CNTLN: variants seen among roughly 807,000 people sequenced by gnomAD.
CNTLN encodes centlein.
CNTLN carries 212 observed loss-of-function variants against 180.0 expected under a neutral mutation model. The ratio of observed to expected loss-of-function variants is 1.18; its 90% CI spans 1.05 to 1.32. CNTLN has a LOEUF of 1.32. CNTLN is among the 40% of genes most tolerant of loss of function. The probability of loss-of-function intolerance (pLI) is 0.00; values close to 1 mark genes in which losing one functional copy is unlikely to be tolerated. For missense variants in CNTLN, 2,095 were observed against 1,610.9 expected (o/e 1.30, Z -5.14); for synonymous variants, 722 against 563.1 (o/e 1.28, Z -3.99).
intron 6 of CNTLN, among the ~76,000 whole-genome samples, chr9:17,288,059 GTGTT>G (rs904835307): frequency 9.5e-5 from 13 of 137,452 alleles, no homozygotes; most frequent in Admixed American, 6.5e-4. Context: ...GCTTTTGAAT[GTGTT>G]TGGTCTTGCT....
intron 5 of CNTLN, among the ~76,000 whole-genome samples, chr9:17,271,929 A>G (rs1827974964): frequency 6.6e-6 from 1 of 152,030 alleles, no homozygotes; most frequent in Non-Finnish European, 1.5e-5. Context: ...TTTGCTTCAT[A>G]ATATTTGTCT....
At chr9:17,382,252 A>G (rs571673922) in intron 13 of CNTLN, among the ~76,000 whole-genome samples, 1 of 152,324 alleles carries the variant, frequency 6.6e-6, no homozygotes, top group Admixed American at 6.5e-5. Context: ...AAAAGCATAG[A>G]CTTTCATAAT....
At chr9:17,393,479 T>C (rs1013648635) in intron 14 of CNTLN, among the ~76,000 whole-genome samples, 4 of 152,212 alleles carry the variant, frequency 2.6e-5, no homozygotes, top group African/African-American at 9.6e-5. Flanking sequence ...GAGTAATTTT[T>C]CTTTCTCATA....
chr9:17,364,003 A>G (rs1330318518), intron 12 of CNTLN, among the ~76,000 whole-genome samples: 3 of 152,126 alleles, frequency 2.0e-5, no homozygotes, highest in Non-Finnish European at 4.4e-5. Flanking sequence ...TTTAGTTGTT[A>G]GAAGTGTTTT....
intron 15 of CNTLN, among the ~76,000 whole-genome samples, chr9:17,398,503 A>G (rs1308731067): frequency 6.6e-6 from 1 of 152,180 alleles, no homozygotes; most frequent in African/African-American, 2.4e-5. Context: ...CATAAGTTGC[A>G]TATGCAATTC....
At chr9:17,500,839 G>C (rs977216157) in intron 25 of CNTLN, among the ~76,000 whole-genome samples, 26 of 152,098 alleles carry the variant, frequency 1.7e-4, no homozygotes, top group African/African-American at 5.8e-4. Flanking sequence ...TCATTTTTTT[G>C]TGCATTTCTT....
At chr9:17,423,179 A>G (rs568097027) in intron 18 of CNTLN, among the ~76,000 whole-genome samples, 15 of 152,308 alleles carry the variant, frequency 9.8e-5, no homozygotes, top group African/African-American at 3.4e-4. Flanking sequence ...TGAAGCTAGC[A>G]ACATAGTGGT....
intron 6 of CNTLN, among the ~76,000 whole-genome samples, chr9:17,285,302 A>G (rs1017533896): frequency 3.4e-5 from 5 of 149,214 alleles, no homozygotes; most frequent in South Asian, 2.2e-4. Context: ...ATGATTTCCA[A>G]TTTCATCCAT....
intron 13 of CNTLN, 54 bp downstream of exon 13, chr9:17,366,771 CTTGATG>C: frequency 1.0e-6 from 1 of 994,496 alleles, no homozygotes; most frequent in Non-Finnish European, 1.5e-6. Context: ...TTGTGTAATT[CTTGATG>C]TTTTAGTTTC....
intron 5 of CNTLN, among the ~76,000 whole-genome samples, chr9:17,250,618 C>T (rs10962946): frequency 2.6e-5 from 4 of 151,984 alleles, no homozygotes; most frequent in Admixed American, 1.3e-4. Context: ...AAACTGTTCT[C>T]CTCTACAGCT....
intron 2 of CNTLN, among the ~76,000 whole-genome samples, chr9:17,160,168 T>A (rs1305102828): frequency 6.6e-6 from 1 of 152,208 alleles, no homozygotes; most frequent in Non-Finnish European, 1.5e-5. Flanking sequence ...TTAATTTTTT[T>A]ATCTGAAATG....
chr9:17,307,972 CCACACACACA>C (rs3837233), intron 7 of CNTLN, among the ~76,000 whole-genome samples: 4,683 of 137,884 alleles, frequency 0.034, 180 homozygotes, highest in East Asian at 0.2. Context: ...GCCTTTAAAA[CCACACACACA>C]CACACACACA....
intron 16 of CNTLN, among the ~76,000 whole-genome samples, chr9:17,410,431 A>G (rs1012126469): frequency 6.6e-6 from 1 of 152,090 alleles, no homozygotes; most frequent in African/African-American, 2.4e-5. Flanking sequence ...TATATATGCT[A>G]TATATGAGCC....
intron 12 of CNTLN, among the ~76,000 whole-genome samples, chr9:17,346,484 G>A (rs1392297333): frequency 6.6e-6 from 1 of 152,090 alleles, no homozygotes; most frequent in Admixed American, 6.5e-5. Context: ...ACTACTGAAT[G>A]GTATTTTCAC....
chr9:17,340,947 A>C lies in CNTLN; in HGVS notation c.1765A>C (p.Met589Leu). ...QLKQWEEGSG[M>L]TEIRKIKRAD... ...AAAACAGTGGGAAGAAGGCAGTGGC[A>C]TGTGAGTTACATAGCTCATAAAGGC... Residue 589 changes from methionine to leucine, a missense_variant and splice_region_variant, in exon 11 of 26, where the codon ATG (methionine) becomes CTG (leucine). Transcript: ENST00000380647. 2.5e-6 allele frequency: 4 copies of C among 1,608,388 alleles called. No individual in the cohort carries two copies. Among genetic ancestry groups the C allele is most frequent in the Non-Finnish European group, 3.4e-6 (4 of 1,177,258 alleles).
At chr9:17,526,117 A>G in the CNTLN span, among the ~76,000 whole-genome samples, 1 of 152,012 alleles carries the variant, frequency 6.6e-6, no homozygotes, top group Non-Finnish European at 1.5e-5. Flanking sequence ...TTGTATTTTT[A>G]GTAGAGACGG....
In CNTLN at chr9:17,307,786, C is replaced by T. The variant is rs149713491; in HGVS notation, c.1147-1272C>T. Reference sequence around the variant, plus strand: ...CACAAATCCTAGGTTTCTAGATGAACTAAAGCTTTACAATCTTTTATGTAT... The same window carrying T: ...CACAAATCCTAGGTTTCTAGATGAATTAAAGCTTTACAATCTTTTATGTAT... On this transcript the variant is annotated intron_variant, in intron 7 of 25. Coordinates refer to ENST00000380647, the MANE Select transcript of CNTLN (RefSeq NM_017738.4). 3.3e-5 allele frequency among the ~76,000 whole-genome samples: 5 copies of T among 152,048 alleles called. No homozygotes were observed. The East Asian group carries it at 5.8e-4, about 18-fold the overall frequency.
chr9:17,176,518 C>G (rs1371155227), intron 2 of CNTLN, among the ~76,000 whole-genome samples: 1 of 152,150 alleles, frequency 6.6e-6, no homozygotes, highest in African/African-American at 2.4e-5. Context: ...GATTGCATCT[C>G]TAATCATGAG....
chr9:17,353,142 G>A (rs1564020770), intron 12 of CNTLN, among the ~76,000 whole-genome samples: 1 of 152,036 alleles, frequency 6.6e-6, no homozygotes, highest in Admixed American at 6.5e-5. Context: ...TTTTTGTAGG[G>A]TCGGGGTCTC....
Sources: gnomAD v4.1 joint callset for allele counts (sites outside exome capture counted in the v4.1 genomes callset) on GRCh38, gnomAD v4.1.1 for gene constraint, MANE v1.5 for transcripts, NCBI Gene and HGNC (gene_info 2026-07-23, HGNC 2026-07-21) for gene names.